The following CEP164 variants were observed in gnomAD, a reference collection of about 807,000 sequenced individuals.
CEP164 encodes the protein centrosomal protein of 164 kDa.
CEP164 carries 162 observed loss-of-function variants against 182.7 expected under a neutral mutation model. The ratio of observed to expected loss-of-function variants is 0.89; its 90% CI spans 0.78 to 1.01. The LOEUF (loss-of-function observed/expected upper bound fraction) is 1.01. Among genes scored for constraint, CEP164 ranks in the 50% least tolerant of loss-of-function variants. The pLI is 0.00. For missense variants in CEP164, 1,735 were observed against 1,790.4 expected, an observed-to-expected ratio of 0.97 and a Z score of 0.56; for synonymous variants, 661 against 690.0, an observed-to-expected ratio of 0.96 and a Z score of 0.66.
chr11:117,347,212 C>G (rs939336074), intron 4 of CEP164, among the ~76,000 whole-genome samples: 2 of 152,104 alleles, frequency 1.3e-5, no homozygotes, highest in African/African-American at 4.8e-5. Context: ...CCTAATTGGC[C>G]ATGAAGTGAG....
In CEP164 at chr11:117,387,277, CCCAAGTACT is replaced by C; in HGVS notation, c.1801_1809del (p.Gln601_Leu603del). ...CTAAAGGCCATGGAAGAGGCAGTGG[CCCAAGTACT>C]CGAGCAAGACCAGAGGCACCTGCTG... On this transcript the variant is annotated inframe_deletion, in exon 15 of 33. Transcript: ENST00000278935. The C allele has an allele frequency of 6.2e-7, 1 of 1,614,174 alleles. No individual in the cohort carries two copies.
chr11:117,360,946 T>TG (rs940617050), intron 5 of CEP164, among the ~76,000 whole-genome samples: 2 of 150,788 alleles, frequency 1.3e-5, no homozygotes, highest in African/African-American at 4.9e-5. Context: ...CTTTTTTTTT[T>TG]TTTTTTGAGA....
chr11:117,345,442 G>A (rs2038749403), intron 4 of CEP164, among the ~76,000 whole-genome samples: 1 of 152,166 alleles, frequency 6.6e-6, no homozygotes, highest in South Asian at 2.1e-4. Context: ...TGAGTGCCAT[G>A]AATTTACTTC....
At chr11:117,337,784 C>T (rs762765916) in intron 2 of CEP164, among the ~76,000 whole-genome samples, 14 of 152,118 alleles carry the variant, frequency 9.2e-5, no homozygotes, top group Non-Finnish European at 1.8e-4. Flanking sequence ...AAAAAAAGGC[C>T]ACCCTGTGAT....
chr11:117,336,602 C>T (rs2037159196), intron 2 of CEP164: 2 of 1,413,710 alleles, frequency 1.4e-6, no homozygotes, highest in Non-Finnish European at 1.0e-6. Flanking sequence ...ATGGATTTGG[C>T]CCTGGCTGTC....
chr11:117,395,941 C>T (rs1474801803), intron 24 of CEP164, 113 bp from the exon 25 acceptor site: 2 of 1,479,058 alleles, frequency 1.4e-6, no homozygotes, highest in African/African-American at 2.8e-5. Context: ...TGAGCCCTTC[C>T]TCAGGGACTT....
chr11:117,347,244 T>C (rs2039021295), intron 4 of CEP164, among the ~76,000 whole-genome samples: 1 of 152,256 alleles, frequency 6.6e-6, no homozygotes, highest in Non-Finnish European at 1.5e-5. Flanking sequence ...GATCCTCTGC[T>C]CTCTTCCAGT....
At chr11:117,400,914 T>C (rs991319647) in intron 27 of CEP164, among the ~76,000 whole-genome samples, 4 of 152,134 alleles carry the variant, frequency 2.6e-5, no homozygotes, top group Admixed American at 6.5e-5. Context: ...TCTAAATATA[T>C]AGTCATGTCA....
intron 8 of CEP164, among the ~76,000 whole-genome samples, chr11:117,369,472 C>G (rs1177090192): frequency 6.6e-6 from 1 of 152,170 alleles, no homozygotes; most frequent in Non-Finnish European, 1.5e-5. Context: ...TGTAATCATC[C>G]CTAGGAAGCC....
At chr11:117,330,138 A>G (rs375558631) in intron 1 of CEP164, among the ~76,000 whole-genome samples, 5 of 151,786 alleles carry the variant, frequency 3.3e-5, no homozygotes, top group East Asian at 3.9e-4. Flanking sequence ...AACTATCTCA[A>G]TTGTCCTCTG....
intron 27 of CEP164, among the ~76,000 whole-genome samples, chr11:117,407,667 A>G (rs571702699): frequency 1.9e-4 from 29 of 152,074 alleles, no homozygotes; most frequent in Non-Finnish European, 4.0e-4. Flanking sequence ...CAATAATCAT[A>G]ATAAATAATA....
At chr11:117,356,200 C>G in intron 5 of CEP164, 1 of 1,072,034 alleles carries the variant, frequency 9.3e-7, no homozygotes, top group African/African-American at 1.7e-5. Flanking sequence ...AGAGCCCTGA[C>G]GAGGAGCAGT....
In CEP164 at chr11:117,391,170, G is replaced by A. The variant is rs1234196822; in HGVS notation, c.2238G>A (p.Lys746=). 2 of 1,613,066 alleles carry A rather than the reference G, an allele frequency of 1.2e-6. No individual in the cohort carries two copies. The highest frequency in any genetic ancestry group is 1.7e-6 in the Non-Finnish European group (2 of 1,179,870). Residue 746 remains lysine (K), a synonymous_variant, in exon 17 of 33, where the codon AAG becomes AAA. Transcript: ENST00000278935. Reference sequence around the variant, plus strand: ...CTGCCCTGAATGCTGCAAAGGAGAAGGCTCTGCAGCAGCTGAGGGAGCAGC... The same window carrying A: ...CTGCCCTGAATGCTGCAAAGGAGAAAGCTCTGCAGCAGCTGAGGGAGCAGC... ...EQAALNAAKE[K]ALQQLREQLE...
At chr11:117,396,886 C>G (rs1024412639) in intron 26 of CEP164, among the ~76,000 whole-genome samples, 3 of 152,238 alleles carry the variant, frequency 2.0e-5, no homozygotes, top group Non-Finnish European at 2.9e-5. Flanking sequence ...TGATCCCTCT[C>G]AGAGTCAGGG....
chr11:117,381,005 G>A (rs950042597), intron 12 of CEP164, among the ~76,000 whole-genome samples: 3 of 152,220 alleles, frequency 2.0e-5, no homozygotes, highest in Non-Finnish European at 4.4e-5. Flanking sequence ...GGGCACCATT[G>A]TGGGGCCAGG....
rs2044750096 is a variant in CEP164 at position 117,392,232 on chromosome 11, G to A, written c.2290G>A (p.Ala764Thr). The A allele has an allele frequency of 1.9e-6, 3 of 1,603,650 alleles. No individual in the cohort carries two copies. The highest frequency in any genetic ancestry group is 1.7e-6 in the Non-Finnish European group (2 of 1,173,980). ...TCCCTTTGCTCCTCCCCAGGCTGTG[G>A]CAACGCTGGAGAAGGAGCACAGTGC... Reference protein sequence around the residue: ...QLEGERKEAVATLEKEHSAEL... With the variant: ...QLEGERKEAVTTLEKEHSAEL... Residue 764 changes from alanine to threonine, a missense_variant, in exon 18 of 33, where the codon GCA becomes ACA. Coordinates refer to ENST00000278935, the MANE Select transcript of CEP164 (RefSeq NM_014956.5).
At chr11:117,410,222 G>A (rs931687726) in intron 30 of CEP164, 3 of 594,074 alleles carry the variant, frequency 5.0e-6, no homozygotes, top group African/African-American at 3.7e-5. Context: ...GAGCCTGGCT[G>A]ACTGGGGCCT....
chr11:117,336,270 G>C (rs1193964165), intron 2 of CEP164: 2 of 1,569,120 alleles, frequency 1.3e-6, no homozygotes, highest in Non-Finnish European at 8.7e-7. Context: ...TTTGGTGCTT[G>C]TGCATCTTTT....
intron 13 of CEP164, 117 bp downstream of exon 13, chr11:117,381,985 G>A (rs958051862): frequency 1.2e-6 from 1 of 842,000 alleles, no homozygotes; most frequent in Non-Finnish European, 1.7e-6. Flanking sequence ...GGGAGGGAGT[G>A]GGGAGCTGGG....
Sources: gnomAD v4.1 joint callset for allele counts (sites outside exome capture counted in the v4.1 genomes callset) on GRCh38, gnomAD v4.1.1 for gene constraint, MANE v1.5 for transcripts, NCBI Gene and HGNC (gene_info 2026-07-23, HGNC 2026-07-21) for gene names.